The following ABCA4 variants were observed in gnomAD, a reference collection of about 807,000 sequenced individuals.
The protein encoded by ABCA4 is ATP binding cassette subfamily A member 4, also known as retinal-specific phospholipid-transporting ATPase ABCA4.
A neutral mutation model predicts 263.7 loss-of-function variants in ABCA4; 196 were observed. That is an observed-to-expected ratio of 0.74 (90% CI 0.66 to 0.84). ABCA4 has a LOEUF of 0.84. Among genes scored for constraint, ABCA4 ranks in the 40% least tolerant of loss-of-function variants. The pLI is 0.00. For synonymous variants in ABCA4, 1,133 were observed against 1,094.2 expected (o/e 1.04, Z -0.70); for missense variants, 2,792 against 2,855.1 (o/e 0.98, Z 0.50).
At chr1:94,119,139 A>G (rs185688411) in intron 1 of ABCA4, among the ~76,000 whole-genome samples, 2 of 152,298 alleles carry the variant, frequency 1.3e-5, no homozygotes, top group East Asian at 3.9e-4. Context: ...TGATAGAAGG[A>G]AAGAATGAAT....
rs61749454 is a variant in ABCA4, at chr1:94,044,697, A to G, written c.2966T>C (p.Val989Ala). The G allele has an allele frequency of 1.5e-4, 247 of 1,614,202 alleles. No homozygotes were observed. In the African/African-American group the frequency reaches 2.8e-3, roughly 18 times the overall value. Reference protein sequence around the residue: ...LLPPTSGTVLVGGRDIETSLD... With the variant: ...LLPPTSGTVLAGGRDIETSLD... ...GCTGGTTTCAATGTCCCTTCCCCCA[A>G]CGAGCACAGTCCCAGAGGTTGGTGG... Residue 989 changes from valine (V) to alanine (A), a missense_variant, in exon 20 of 50, where the codon GTT (valine) becomes GCT (alanine). By Grantham distance (64) the Val-to-Ala change is moderately conservative. Coordinates refer to ENST00000370225, the MANE Select transcript of ABCA4 (RefSeq NM_000350.3).
At chr1:94,077,606 G>C in intron 11 of ABCA4, 84 bp downstream of exon 11, 1 of 1,308,556 alleles carries the variant, frequency 7.6e-7, no homozygotes, top group East Asian at 2.3e-5. Flanking sequence ...TTAAATTCAA[G>C]ACCACTTGAC....
intron 44 of ABCA4, among the ~76,000 whole-genome samples, chr1:94,003,634 A>ATAT (rs1265283524): frequency 6.6e-6 from 1 of 152,046 alleles, no homozygotes; most frequent in East Asian, 1.9e-4. Context: ...CTTTAAAATT[A>ATAT]TATTATTATT....
intron 6 of ABCA4, among the ~76,000 whole-genome samples, chr1:94,088,141 C>T (rs1280143486): frequency 6.6e-6 from 1 of 152,218 alleles, no homozygotes; most frequent in East Asian, 1.9e-4. Context: ...AAGAACCCCC[C>T]AGTTTTCTCC....
rs539976193 is a variant in ABCA4 at position 94,005,678 on chromosome 1, A to C, written c.6006-96T>G. On this transcript the variant is annotated intron_variant, in intron 43 of 49. Transcript: ENST00000370225. ...GAAGCTTCTGCCAACGGGAAAAGGAAGCTGCTTCTTCTCTTCTCCTATTTG... is the reference window on the plus strand; with the variant it reads ...GAAGCTTCTGCCAACGGGAAAAGGACGCTGCTTCTTCTCTTCTCCTATTTG... The C allele has an allele frequency of 1.8e-5, 23 of 1,266,852 alleles. No individual in the cohort carries two copies. In the East Asian group the frequency reaches 5.3e-4, roughly 29 times the overall value. 78.5% of individuals were successfully genotyped at this position (1,266,852 alleles called of 1,614,324 possible).
In ABCA4 at chr1:94,080,502, T is replaced by C. The variant is rs1160846575; in HGVS notation, c.1075A>G (p.Ile359Val). 3 of 1,614,202 alleles carry C rather than the reference T, an allele frequency of 1.9e-6. No individual in the cohort carries two copies. The highest frequency in any genetic ancestry group is 2.5e-6 in the Non-Finnish European group (3 of 1,180,038). ...LGIDSTRKDP[I>V]YSYDRRTTSF... ...CTTGTTCTTCTGTCATAAGAATAGA[T>C]AGGATCCTTCCTTGTGGAGTCAATC... The change falls in exon 8 of 50, where the codon ATC becomes GTC. Residue 359 changes from isoleucine to valine, a missense_variant. By Grantham distance (29) the Ile-to-Val change is conservative. Coordinates refer to ENST00000370225, the MANE Select transcript of ABCA4 (RefSeq NM_000350.3).
At chr1:94,098,706 G>T in intron 6 of ABCA4, 88 bp downstream of exon 6, 1 of 1,464,062 alleles carries the variant, frequency 6.8e-7, no homozygotes, top group Non-Finnish European at 9.5e-7. Context: ...AGAACACCAG[G>T]CTCACGCCCT....
intron 37 of ABCA4, among the ~76,000 whole-genome samples, chr1:94,015,031 G>A (rs547694918): frequency 2.0e-5 from 3 of 152,242 alleles, no homozygotes; most frequent in African/African-American, 7.2e-5. Flanking sequence ...GCCCAGCTGA[G>A]GTCATCTCAG....
chr1:94,083,539 C>T (rs1570410667), intron 6 of ABCA4, 98 bp from the exon 7 acceptor site: 1 of 835,216 alleles, frequency 1.2e-6, no homozygotes, highest in East Asian at 2.5e-5. Context: ...TGAAAACTCC[C>T]CCCCTCCTTC....
chr1:94,000,815 C>T (rs1006338167), intron 47 of ABCA4, 21 bp downstream of exon 47: 9 of 1,613,076 alleles, frequency 5.6e-6, no homozygotes, highest in Admixed American at 1.7e-5. Flanking sequence ...CAACAAGGGG[C>T]ACGCCCCACC....
chr1:94,060,894 C>T (rs1661106371), intron 13 of ABCA4, 135 bp from the exon 14 acceptor site: 4 of 753,922 alleles, frequency 5.3e-6, no homozygotes, highest in African/African-American at 1.7e-5. Context: ...CTCCCCTGGA[C>T]ATTTAATGGG....
chr1:94,100,191 A>G (rs1031244846), intron 5 of ABCA4, among the ~76,000 whole-genome samples: 6 of 152,156 alleles, frequency 3.9e-5, no homozygotes, highest in Non-Finnish European at 7.4e-5. Context: ...GCTGACCATG[A>G]GTCGGTGTGG....
chr1:94,119,390 C>T (rs1662886412), intron 1 of ABCA4, among the ~76,000 whole-genome samples: 1 of 152,192 alleles, frequency 6.6e-6, no homozygotes, highest in South Asian at 2.1e-4. Context: ...GCGTCCTGGG[C>T]CAGCCACACA....
intron 48 of ABCA4, among the ~76,000 whole-genome samples, chr1:93,996,921 T>C (rs1335914137): frequency 6.6e-6 from 1 of 152,204 alleles, no homozygotes; most frequent in African/African-American, 2.4e-5. Context: ...ATTCCACTTA[T>C]ATGAGGTATC....
chr1:94,105,176 C>T (rs1355640782), intron 4 of ABCA4, among the ~76,000 whole-genome samples: 1 of 152,196 alleles, frequency 6.6e-6, no homozygotes, highest in Non-Finnish European at 1.5e-5. Context: ...GACTGACATC[C>T]AATCAGAGTC....
At chr1:94,033,109 T>G (rs1273264625) in intron 26 of ABCA4, among the ~76,000 whole-genome samples, 1 of 152,186 alleles carries the variant, frequency 6.6e-6, no homozygotes, top group Non-Finnish European at 1.5e-5. Flanking sequence ...TGCCTAAATC[T>G]GAGTTTTCTC....
rs878885399 is a variant in ABCA4, at chr1:94,079,378, T to C, written c.1183A>G (p.Met395Val). The C allele has an allele frequency of 2.5e-6, 4 of 1,614,174 alleles. No homozygotes were observed. In the African/African-American group the frequency reaches 4.0e-5, roughly 16 times the overall value. The change falls in exon 9 of 50, where the codon ATG (methionine) becomes GTG (valine). Residue 395 changes from methionine to valine, a missense_variant. Coordinates refer to ENST00000370225, the MANE Select transcript of ABCA4 (RefSeq NM_000350.3). ...IAWRAAKPLLMGKILYTPDSP... is the reference protein window; with the variant it reads ...IAWRAAKPLLVGKILYTPDSP... ...TCAGGAGTGTACAGGATTTTTCCCA[T>C]CAGCAAAGGCTTTGCCGCCCTCCAA...
In ABCA4 at chr1:94,023,427, CA is replaced by C; in HGVS notation, c.4635-10del. On this transcript the variant is annotated splice_polypyrimidine_tract_variant and intron_variant, in intron 31 of 49. Coordinates refer to ENST00000370225, the MANE Select transcript of ABCA4 (RefSeq NM_000350.3). ...AGAATTTGCTCTTTAAGCTGAAAGC[CA>C]AAATAAAATAATGCAATGAATACCA... The C allele has an allele frequency of 6.2e-7, 1 of 1,605,268 alleles. No individual in the cohort carries two copies. The highest frequency in any genetic ancestry group is 1.1e-5 in the South Asian group (1 of 90,660).
chr1:94,084,354 A>C (rs927198241), intron 6 of ABCA4, among the ~76,000 whole-genome samples: 6 of 152,194 alleles, frequency 3.9e-5, no homozygotes, highest in African/African-American at 1.2e-4. Context: ...TTCTCATCCA[A>C]GTATCTGGGG....
Sources: allele counts gnomAD v4.1 joint callset (sites outside exome capture counted in the v4.1 genomes callset), GRCh38; gene constraint gnomAD v4.1.1; transcripts MANE v1.5; gene names NCBI Gene and HGNC (gene_info 2026-07-23, HGNC 2026-07-21).